Variants in GRAP2 observed in about 807,000 individuals in gnomAD.
The protein encoded by GRAP2 is GRB2-related adapter protein 2.
In GRAP2, 31 loss-of-function variants were observed where a neutral mutation model predicts 43.5. That is an observed-to-expected ratio of 0.71 (90% CI 0.54 to 0.96). GRAP2 has a LOEUF of 0.96. Ranked by LOEUF, GRAP2 falls within the 40% of genes least tolerant of loss-of-function variation. The pLI, the probability that GRAP2 is intolerant of heterozygous loss-of-function variation, is 0.00. For synonymous variants in GRAP2, 156 were observed against 164.8 expected (o/e 0.95, Z 0.41); for missense variants, 371 against 424.4 (o/e 0.87, Z 1.11).
chr22:39,966,858 G>A (rs1240787357), intron 5 of GRAP2, among the ~76,000 whole-genome samples: 1 of 152,164 alleles, frequency 6.6e-6, no homozygotes, highest in African/African-American at 2.4e-5. Flanking sequence ...AATGGAGAGA[G>A]CAATAAAACC....
In GRAP2 at chr22:39,973,483, C is replaced by T. The variant is rs1226161588; in HGVS notation, c.*2399C>T. On this transcript the variant is annotated 3_prime_UTR_variant, in exon 8 of 8. Transcript: ENST00000344138. ...CAGAGCTTTCAGAACCCCTGGAGCT[C>T]GGTGTTCTGTTGTAGCAAAAGCTAC... is the stretch of plus-strand genomic sequence containing the variant. 3 of 152,180 alleles carry T rather than the reference C, an allele frequency of 2.0e-5. No homozygotes were observed. Among genetic ancestry groups the T allele is most frequent in the African/African-American group, 7.2e-5 (3 of 41,434 alleles). The allele number at this position is 152,180 out of a possible 1,614,324, so 9.4% of individuals were successfully genotyped here.
Sources: allele counts gnomAD v4.1 joint callset (sites outside exome capture counted in the v4.1 genomes callset), GRCh38; gene constraint gnomAD v4.1.1; transcripts MANE v1.5; gene names NCBI Gene and HGNC (gene_info 2026-07-23, HGNC 2026-07-21).